TPTE: variants seen among roughly 807,000 people sequenced by gnomAD.
TPTE encodes the protein transmembrane phosphatase with tensin homology, also known as putative tyrosine-protein phosphatase TPTE.
In TPTE, 59 loss-of-function variants were observed where a neutral mutation model predicts 84.1. The ratio of observed to expected loss-of-function variants is 0.70; its 90% CI spans 0.57 to 0.87. The LOEUF is 0.87. Ranked by LOEUF, TPTE falls within the 40% of genes least tolerant of loss-of-function variation. The pLI is 0.00. For synonymous variants in TPTE, 130 were observed against 223.5 expected, an observed-to-expected ratio of 0.58 and a Z score of 3.73; for missense variants, 382 against 659.6, an observed-to-expected ratio of 0.58 and a Z score of 4.61.
At chr21:10,561,298 C>G (rs1183431440) in intron 10 of TPTE, 107 bp downstream of exon 10, 1 of 1,421,914 alleles carries the variant, frequency 7.0e-7, no homozygotes, top group East Asian at 2.3e-5. Flanking sequence ...TCGAGACGAT[C>G]CTGGCCAACA....
chr21:10,563,186 T>A (rs1255091856), intron 10 of TPTE, among the ~76,000 whole-genome samples: 1 of 152,306 alleles, frequency 6.6e-6, no homozygotes, highest in African/African-American at 2.4e-5. Flanking sequence ...GAAGGGGAAA[T>A]AAAGACTTTT....
chr21:10,574,228 CTTA>C (rs2075105296), intron 14 of TPTE, among the ~76,000 whole-genome samples: 2 of 152,310 alleles, frequency 1.3e-5, no homozygotes, highest in Admixed American at 1.3e-4. Context: ...ATTTACAATA[CTTA>C]TTATACCTCA....
At chr21:10,595,752 G>T (rs1451912454) in intron 19 of TPTE, among the ~76,000 whole-genome samples, 2 of 152,430 alleles carry the variant, frequency 1.3e-5, no homozygotes, top group South Asian at 4.1e-4. Flanking sequence ...TATAAACAGG[G>T]CCTGGCTCCA....
chr21:10,583,186 A>G (rs2075300889), intron 17 of TPTE, among the ~76,000 whole-genome samples: 1 of 152,312 alleles, frequency 6.6e-6, no homozygotes, highest in Non-Finnish European at 1.5e-5. Context: ...CAGTTGTAAC[A>G]ATTTTTACTC....
At position 10,549,275 on chromosome 21, in the gene TPTE, G is replaced by C. The variant is rs528784815; in HGVS notation, c.174-3382G>C. 3.9e-5 allele frequency among the ~76,000 whole-genome samples: 6 copies of C among 152,428 alleles called. No homozygotes were observed. The South Asian group carries it at 1.2e-3, about 32-fold the overall frequency. The stretch of plus-strand genomic sequence containing the variant: ...ATTGGAAAAGGTGACTTTTTCACCA[G>C]ATGCGTAGAAATCAATTTAGAAACA... On this transcript the variant is annotated intron_variant, in intron 7 of 23. Transcript: ENST00000618007.
intron 5 of TPTE, among the ~76,000 whole-genome samples, chr21:10,542,190 T>C (rs1280667040): frequency 6.6e-6 from 1 of 152,306 alleles, no homozygotes; most frequent in Non-Finnish European, 1.5e-5. Context: ...CATTACTATT[T>C]TCCCCCGCCT....
intron 9 of TPTE, among the ~76,000 whole-genome samples, chr21:10,559,999 C>T (rs1215076569): frequency 2.0e-5 from 3 of 152,272 alleles, no homozygotes; most frequent in South Asian, 2.1e-4. Context: ...AAAAGCATTT[C>T]CACTGTCCAT....
chr21:10,593,817 A>T (rs1218658246), intron 19 of TPTE, among the ~76,000 whole-genome samples: 1 of 152,312 alleles, frequency 6.6e-6, no homozygotes, highest in Non-Finnish European at 1.5e-5. Flanking sequence ...ATGGATTTGG[A>T]TGTGGCTGTA....
At chr21:10,539,126 C>T (rs2074320916) in intron 4 of TPTE, among the ~76,000 whole-genome samples, 1 of 152,312 alleles carries the variant, frequency 6.6e-6, no homozygotes, top group Admixed American at 6.5e-5. Context: ...TAGTAAGCAG[C>T]AGCTTAAAGG....
At chr21:10,603,338 T>C (rs1600995965) in intron 22 of TPTE, among the ~76,000 whole-genome samples, 5 of 152,424 alleles carry the variant, frequency 3.3e-5, no homozygotes, top group African/African-American at 9.6e-5. Flanking sequence ...AAAAATACTA[T>C]TCCTTGAAAA....
At chr21:10,560,110 C>G (rs1459859969) in intron 9 of TPTE, among the ~76,000 whole-genome samples, 1 of 152,304 alleles carries the variant, frequency 6.6e-6, no homozygotes, top group African/African-American at 2.4e-5. Flanking sequence ...TGGCTTTTGC[C>G]TAAGATTAAT....
chr21:10,583,201 G>A (rs1354072704), intron 17 of TPTE, among the ~76,000 whole-genome samples: 1 of 152,310 alleles, frequency 6.6e-6, no homozygotes, highest in Non-Finnish European at 1.5e-5. Flanking sequence ...TTACTCCACT[G>A]GTATTGTAGA....
intron 21 of TPTE, among the ~76,000 whole-genome samples, chr21:10,600,673 T>TA (rs1978365677): frequency 6.6e-6 from 1 of 152,424 alleles, no homozygotes; most frequent in South Asian, 2.1e-4. Flanking sequence ...CTACTATTGT[T>TA]TCTTAAGTGT....
At chr21:10,529,041 G>C (rs2074131376) in intron 3 of TPTE, among the ~76,000 whole-genome samples, 1 of 152,300 alleles carries the variant, frequency 6.6e-6, no homozygotes, top group Non-Finnish European at 1.5e-5. Flanking sequence ...AAAATTAGCT[G>C]GGCATGGTGG....
rs921215654 is a variant in TPTE at position 10,559,475 on chromosome 21, T to G, written c.234-19T>G. 6.2e-7 allele frequency: 1 copy of G among 1,611,868 alleles called. No homozygotes were observed. Among genetic ancestry groups the G allele is most frequent in the Non-Finnish European group, 8.5e-7 (1 of 1,179,812 alleles). On this transcript the variant is annotated intron_variant, in intron 8 of 23. Transcript: ENST00000618007. ...GTTAGAAGAAATCTGATTAATTTTATTTTTACTTCTTTTTGCAGCAGCAAG... is the reference window on the plus strand; with the variant it reads ...GTTAGAAGAAATCTGATTAATTTTAGTTTTACTTCTTTTTGCAGCAGCAAG...
At chr21:10,597,905 T>C (rs1351459213) in intron 20 of TPTE, 110 bp from the exon 21 acceptor site, 2 of 1,410,430 alleles carry the variant, frequency 1.4e-6, no homozygotes, top group Non-Finnish European at 1.9e-6. Context: ...TATTGATACA[T>C]TGTTAGCTTG....
intron 3 of TPTE, among the ~76,000 whole-genome samples, chr21:10,534,313 C>A (rs1051113135): frequency 1.3e-5 from 2 of 152,306 alleles, no homozygotes; most frequent in Admixed American, 1.3e-4. Flanking sequence ...TTCAGCCCTT[C>A]CCTGTTTTCA....
At chr21:10,566,692 C>T (rs1468221076) in intron 10 of TPTE, among the ~76,000 whole-genome samples, 1 of 152,302 alleles carries the variant, frequency 6.6e-6, no homozygotes, top group African/African-American at 2.4e-5. Context: ...ACAATAAGAA[C>T]CCGGCCAAGT....
intron 8 of TPTE, among the ~76,000 whole-genome samples, chr21:10,556,781 T>G (rs1422618505): frequency 6.6e-6 from 1 of 152,312 alleles, no homozygotes; most frequent in Non-Finnish European, 1.5e-5. Flanking sequence ...TTTGCATTTC[T>G]CTGATGGCCA....
Sources: gnomAD v4.1 joint callset for allele counts (sites outside exome capture counted in the v4.1 genomes callset) on GRCh38, gnomAD v4.1.1 for gene constraint, MANE v1.5 for transcripts, NCBI Gene and HGNC (gene_info 2026-07-23, HGNC 2026-07-21) for gene names.